The following DPY19L4 variants were observed in gnomAD, a reference collection of about 807,000 sequenced individuals.
The protein encoded by DPY19L4 is dpy-19 like 4.
A neutral mutation model predicts 102.8 loss-of-function variants in DPY19L4; 97 were observed. The observed-to-expected ratio is 0.94, with a 90% confidence interval of 0.80 to 1.12. DPY19L4 has a LOEUF of 1.12. Among genes scored for constraint, DPY19L4 ranks in the 50% most tolerant of loss-of-function variants. The pLI is 0.00. For synonymous variants in DPY19L4, 252 were observed against 283.1 expected (o/e 0.89, Z 1.10); for missense variants, 815 against 850.4 (o/e 0.96, Z 0.52).
At chr8:94,745,864 C>T (rs1046093794) in intron 6 of DPY19L4, among the ~76,000 whole-genome samples, 6 of 152,158 alleles carry the variant, frequency 3.9e-5, no homozygotes, top group Middle Eastern at 6.8e-3. Context: ...AAGTGATTCT[C>T]CTGCCTCAGC....
intron 1 of DPY19L4, among the ~76,000 whole-genome samples, chr8:94,723,553 T>G (rs892667348): frequency 1.3e-5 from 2 of 152,218 alleles, no homozygotes; most frequent in Admixed American, 6.6e-5. Flanking sequence ...ATCTCATTTG[T>G]CCATTGCTTT....
chr8:94,751,600 C>G (rs1378553285), intron 6 of DPY19L4, among the ~76,000 whole-genome samples: 1 of 152,110 alleles, frequency 6.6e-6, no homozygotes, highest in Non-Finnish European at 1.5e-5. Context: ...CAAGCACTTC[C>G]TGCCTCAGCC....
At chr8:94,768,268 T>A in intron 11 of DPY19L4, 127 bp from the exon 12 acceptor site, 1 of 685,834 alleles carries the variant, frequency 1.5e-6, no homozygotes, top group South Asian at 2.0e-5. Flanking sequence ...GATAGTACCT[T>A]GCTAATATAA....
chr8:94,764,727 T>TTTTTTTTTTTC (rs1812586555), intron 8 of DPY19L4, among the ~76,000 whole-genome samples: 1 of 97,040 alleles, frequency 1.0e-5, no homozygotes, highest in African/African-American at 4.4e-5. Context: ...ATTTTTTTTT[T>TTTTTTTTTTTC]TTTTTTTTTT....
At chr8:94,760,484 A>G (rs892458360) in intron 7 of DPY19L4, among the ~76,000 whole-genome samples, 7 of 152,196 alleles carry the variant, frequency 4.6e-5, no homozygotes, top group Non-Finnish European at 1.0e-4. Context: ...AACAGGTGGA[A>G]GTTTGCCATT....
chr8:94,790,062 G>A lies in DPY19L4; in HGVS notation c.*152G>A. On this transcript the variant is annotated 3_prime_UTR_variant, in exon 19 of 19. Coordinates refer to ENST00000414645, the MANE Select transcript of DPY19L4 (RefSeq NM_181787.3). ...TGTTAACTGGATCCAGAGTTCTGTG[G>A]GAAATAGAAGATCAAGCATTACTGT... 2 of 669,688 alleles carry A rather than the reference G, an allele frequency of 3.0e-6. No individual in the cohort carries two copies. The highest frequency in any genetic ancestry group is 4.8e-6 in the Non-Finnish European group (2 of 413,884). The allele number at this position is 669,688 out of a possible 1,614,324, so 41.5% of individuals were successfully genotyped here.
intron 13 of DPY19L4, among the ~76,000 whole-genome samples, chr8:94,775,498 A>T (rs1223404471): frequency 2.0e-5 from 3 of 152,124 alleles, no homozygotes; most frequent in Non-Finnish European, 4.4e-5. Flanking sequence ...CTAAAAAAAG[A>T]AATTCTTTTG....
chr8:94,772,283 G>A (rs1383812233), intron 13 of DPY19L4, among the ~76,000 whole-genome samples: 2 of 152,140 alleles, frequency 1.3e-5, no homozygotes, highest in Non-Finnish European at 2.9e-5. Flanking sequence ...TGGTCAGAAT[G>A]CAATGGTCAG....
intron 10 of DPY19L4, 53 bp downstream of exon 10, chr8:94,765,862 A>T: frequency 9.1e-7 from 1 of 1,103,596 alleles, no homozygotes; most frequent in Non-Finnish European, 1.3e-6. Flanking sequence ...AATGAAATAT[A>T]TTGGACTACA....
At chr8:94,773,307 T>C (rs545271872) in intron 13 of DPY19L4, among the ~76,000 whole-genome samples, 8 of 152,104 alleles carry the variant, frequency 5.3e-5, no homozygotes, top group Non-Finnish European at 1.2e-4. Flanking sequence ...ATCTTATCTT[T>C]CTTTAATAGA....
At chr8:94,731,369 G>C (rs1810946238) in intron 2 of DPY19L4, among the ~76,000 whole-genome samples, 1 of 152,174 alleles carries the variant, frequency 6.6e-6, no homozygotes, top group Non-Finnish European at 1.5e-5. Flanking sequence ...GCTCTTAACT[G>C]TATGTCAGGA....
At chr8:94,770,353 A>C in intron 12 of DPY19L4, 99 bp from the exon 13 acceptor site, 1 of 1,285,552 alleles carries the variant, frequency 7.8e-7, no homozygotes, top group Non-Finnish European at 1.0e-6. Flanking sequence ...GACGAAATAT[A>C]AAATTTTAGG....
chr8:94,730,117 A>G (rs566877762), intron 2 of DPY19L4, among the ~76,000 whole-genome samples: 21 of 151,446 alleles, frequency 1.4e-4, no homozygotes, highest in Middle Eastern at 3.4e-3. Flanking sequence ...TTTTTTTCTC[A>G]ACATATCATT....
At position 94,726,383 on chromosome 8, in the gene DPY19L4, G is replaced by A; in HGVS notation, c.69G>A (p.Lys23=). Residue 23 remains lysine, a synonymous_variant, in exon 2 of 19, where the codon AAG becomes AAA. Transcript: ENST00000414645. ...QRKKPKSSEN[K]ESAKEEKISD... is the part of the protein sequence containing the mutation. ...AAAAGCCAAAGTCTTCAGAAAATAAGGAATCTGCCAAAGAAGAGAAAATCA... is the reference window on the plus strand; with the variant it reads ...AAAAGCCAAAGTCTTCAGAAAATAAAGAATCTGCCAAAGAAGAGAAAATCA... 2 of 1,612,294 alleles carry A rather than the reference G, an allele frequency of 1.2e-6. No individual in the cohort carries two copies. The highest frequency in any genetic ancestry group is 2.2e-5 in the East Asian group (1 of 44,760).
chr8:94,786,100 A>G (rs2130943306), intron 17 of DPY19L4, among the ~76,000 whole-genome samples: 1 of 152,324 alleles, frequency 6.6e-6, no homozygotes, highest in East Asian at 1.9e-4. Context: ...AACTCCATAA[A>G]TGAGACCATA....
At chr8:94,728,111 G>A (rs773718575) in intron 2 of DPY19L4, among the ~76,000 whole-genome samples, 2 of 152,148 alleles carry the variant, frequency 1.3e-5, no homozygotes, top group Non-Finnish European at 2.9e-5. Flanking sequence ...ATAGGCATGT[G>A]CCACCACACT....
At chr8:94,733,118 C>CTTTT (rs34879619) in intron 2 of DPY19L4, among the ~76,000 whole-genome samples, 37 of 76,344 alleles carry the variant, frequency 4.8e-4, no homozygotes, top group East Asian at 8.2e-4. Flanking sequence ...TCATCTTAAC[C>CTTTT]TTTTTTTTTT....
At position 94,790,114 on chromosome 8, in the gene DPY19L4, C is replaced by G; in HGVS notation, c.*204C>G. 1 of 451,328 alleles carries G rather than the reference C, an allele frequency of 2.2e-6. No individual in the cohort carries two copies. The highest frequency in any genetic ancestry group is 3.9e-6 in the Non-Finnish European group (1 of 258,722). The allele number at this position is 451,328 out of a possible 1,614,324, so 28.0% of individuals were successfully genotyped here. On this transcript the variant is annotated 3_prime_UTR_variant, in exon 19 of 19. Coordinates refer to ENST00000414645, the MANE Select transcript of DPY19L4 (RefSeq NM_181787.3). ...CTTTGATTAAATGTGATATCTACCA[C>G]TCTGCAATATTCCAGACAGGTGTCT... is the stretch of plus-strand genomic sequence containing the variant.
intron 18 of DPY19L4, among the ~76,000 whole-genome samples, chr8:94,789,382 G>T (rs1025857998): frequency 6.6e-6 from 1 of 152,174 alleles, no homozygotes; most frequent in African/African-American, 2.4e-5. Context: ...TTCTACACGA[G>T]AAGAGTGAAT....
Sources: allele counts gnomAD v4.1 joint callset (sites outside exome capture counted in the v4.1 genomes callset), GRCh38; gene constraint gnomAD v4.1.1; transcripts MANE v1.5; gene names NCBI Gene and HGNC (gene_info 2026-07-23, HGNC 2026-07-21).